Variants in PLCE1 observed in about 807,000 individuals in gnomAD.
PLCE1 encodes the protein phospholipase C epsilon 1.
PLCE1 carries 119 observed loss-of-function variants against 242.8 expected under a neutral mutation model. That is an observed-to-expected ratio of 0.49 (90% CI 0.42 to 0.57). The LOEUF (loss-of-function observed/expected upper bound fraction) is 0.57. Ranked by LOEUF, PLCE1 falls within the 20% of genes least tolerant of loss-of-function variation. The pLI, the probability that PLCE1 is intolerant of heterozygous loss-of-function variation, is 0.00. For synonymous variants in PLCE1, 945 were observed against 1,017.4 expected (o/e 0.93, Z 1.35); for missense variants, 2,441 against 2,788.8 (o/e 0.88, Z 2.81).
intron 7 of PLCE1, among the ~76,000 whole-genome samples, chr10:94,238,787 T>C (rs1252093835): frequency 6.6e-6 from 1 of 152,244 alleles, no homozygotes; most frequent in South Asian, 2.1e-4. Context: ...AGCTGCAAGT[T>C]CTTATTGTCA....
At chr10:94,215,812 A>G (rs539153001) in intron 4 of PLCE1, among the ~76,000 whole-genome samples, 1 of 152,292 alleles carries the variant, frequency 6.6e-6, no homozygotes, top group Non-Finnish European at 1.5e-5. Flanking sequence ...AGTCCCAACT[A>G]CTGGAGAGGC....
At chr10:94,118,220 T>G (rs1433557675) in intron 2 of PLCE1, among the ~76,000 whole-genome samples, 1 of 152,202 alleles carries the variant, frequency 6.6e-6, no homozygotes, top group Non-Finnish European at 1.5e-5. Context: ...TCTCTTTTCT[T>G]TTTTAATGAT....
intron 22 of PLCE1, among the ~76,000 whole-genome samples, chr10:94,285,681 A>G (rs899277277): frequency 2.0e-5 from 3 of 152,088 alleles, no homozygotes; most frequent in African/African-American, 7.2e-5. Flanking sequence ...ATTGTTTCTC[A>G]TTGGGTCCTT....
intron 2 of PLCE1, among the ~76,000 whole-genome samples, chr10:94,123,604 C>T (rs2046358716): frequency 6.6e-6 from 1 of 152,234 alleles, no homozygotes; most frequent in Admixed American, 6.5e-5. Flanking sequence ...CCCCCTCCAA[C>T]AGCCTCACTG....
Position 94,031,732 on chromosome 10 carries a change from A to T in PLCE1, c.686A>T (p.Asn229Ile). 1 of 1,613,814 alleles carries T rather than the reference A, an allele frequency of 6.2e-7. No homozygotes were observed. The highest frequency in any genetic ancestry group is 8.5e-7 in the Non-Finnish European group (1 of 1,179,874). ...LPGGEEKQKK[N>I]YVAYTCKLME... The stretch of plus-strand genomic sequence containing the variant: ...GGGGGTGAGGAGAAGCAAAAGAAAA[A>T]CTATGTGGCATATACCTGTAAACTG... Residue 229 changes from asparagine (N) to isoleucine (I), a missense_variant, in exon 2 of 33, where the codon AAC becomes ATC. Transcript: ENST00000371380.
chr10:94,313,074 T>C (rs899696002), intron 27 of PLCE1, among the ~76,000 whole-genome samples, 180 bp from the exon 28 acceptor site: 1 of 152,146 alleles, frequency 6.6e-6, no homozygotes, highest in East Asian at 1.9e-4. Context: ...GCTTATGAAA[T>C]ACCCTCACTA....
At chr10:94,003,479 A>T (rs201872630) in intron 1 of PLCE1, among the ~76,000 whole-genome samples, 3 of 152,228 alleles carry the variant, frequency 2.0e-5, no homozygotes, top group Non-Finnish European at 4.4e-5. Context: ...GCAGTTCATT[A>T]TCTGTTTGTT....
intron 3 of PLCE1, among the ~76,000 whole-genome samples, chr10:94,152,610 C>T (rs761575978): frequency 6.6e-6 from 1 of 152,218 alleles, no homozygotes; most frequent in African/African-American, 2.4e-5. Context: ...TACTTAACAT[C>T]TCTGAGTTTC....
At chr10:94,119,369 G>A (rs2046235630) in intron 2 of PLCE1, among the ~76,000 whole-genome samples, 2 of 152,082 alleles carry the variant, frequency 1.3e-5, no homozygotes, top group African/African-American at 4.8e-5. Context: ...CTGTATGCAT[G>A]TCCATATAGC....
chr10:94,154,181 A>C (rs941290075), intron 3 of PLCE1, among the ~76,000 whole-genome samples: 2 of 152,226 alleles, frequency 1.3e-5, no homozygotes, highest in African/African-American at 4.8e-5. Flanking sequence ...TATATGGTCA[A>C]ATAATTTTCA....
chr10:94,257,916 A>G (rs1488473772), intron 11 of PLCE1, among the ~76,000 whole-genome samples: 1 of 152,250 alleles, frequency 6.6e-6, no homozygotes, highest in Non-Finnish European at 1.5e-5. Context: ...AACTTAAAGT[A>G]TAATTTAAAA....
chr10:94,128,810 G>C (rs1188638109), intron 2 of PLCE1, among the ~76,000 whole-genome samples: 1 of 152,192 alleles, frequency 6.6e-6, no homozygotes, highest in Non-Finnish European at 1.5e-5. Flanking sequence ...ATGGTGACCA[G>C]ATATTGGCCA....
At chr10:94,269,125 G>A (rs1157224468) in intron 17 of PLCE1, 89 bp downstream of exon 17, 11 of 660,890 alleles carry the variant, frequency 1.7e-5, no homozygotes, top group South Asian at 9.4e-5. Flanking sequence ...TTTTTGAGAC[G>A]GGTTCTCGCT....
intron 4 of PLCE1, among the ~76,000 whole-genome samples, chr10:94,204,133 G>A (rs1394442314): frequency 6.6e-6 from 1 of 152,172 alleles, no homozygotes; most frequent in Non-Finnish European, 1.5e-5. Context: ...TAGTGCCAGA[G>A]AGAATGCCTA....
intron 11 of PLCE1, among the ~76,000 whole-genome samples, chr10:94,257,073 C>T (rs897451808): frequency 6.6e-5 from 10 of 152,114 alleles, no homozygotes; most frequent in Middle Eastern, 3.2e-3. Context: ...CACTGGGGAT[C>T]GACAACCTAC....
chr10:94,284,558 C>T (rs1350750900), intron 21 of PLCE1, among the ~76,000 whole-genome samples: 4 of 152,254 alleles, frequency 2.6e-5, no homozygotes, highest in South Asian at 4.1e-4. Flanking sequence ...ATTTGAGCCA[C>T]GGAAGATACA....
intron 1 of PLCE1, among the ~76,000 whole-genome samples, chr10:94,021,787 C>T (rs375641755): frequency 6.6e-6 from 1 of 152,010 alleles, no homozygotes; most frequent in Non-Finnish European, 1.5e-5. Flanking sequence ...ATATAGTTCA[C>T]GATGTTAACC....
At chr10:94,080,723 C>T (rs2044631605) in intron 2 of PLCE1, among the ~76,000 whole-genome samples, 1 of 152,160 alleles carries the variant, frequency 6.6e-6, no homozygotes, top group East Asian at 1.9e-4. Flanking sequence ...GTTATCCAGG[C>T]ACTTCTGTAT....
At chr10:94,274,401 A>G (rs1011104700) in intron 19 of PLCE1, among the ~76,000 whole-genome samples, 7 of 152,236 alleles carry the variant, frequency 4.6e-5, no homozygotes, top group African/African-American at 1.7e-4. Flanking sequence ...TGGCTCAAAG[A>G]GTACAGGCAC....
Sources: allele counts gnomAD v4.1 joint callset (sites outside exome capture counted in the v4.1 genomes callset), GRCh38; gene constraint gnomAD v4.1.1; transcripts MANE v1.5; gene names NCBI Gene and HGNC (gene_info 2026-07-23, HGNC 2026-07-21).